CEP83: variants seen among roughly 807,000 people sequenced by gnomAD.
CEP83 encodes centrosomal protein 83, also known as centrosomal protein of 83 kDa.
CEP83 carries 70 observed loss-of-function variants against 101.9 expected under a neutral mutation model. That is an observed-to-expected ratio of 0.69 (90% CI 0.57 to 0.84). The LOEUF is 0.84. Among genes scored for constraint, CEP83 ranks in the 40% least tolerant of loss-of-function variants. The pLI, the probability that CEP83 is intolerant of heterozygous loss-of-function variation, is 0.00. For synonymous variants in CEP83, 264 were observed against 267.9 expected, an observed-to-expected ratio of 0.99 and a Z score of 0.14; for missense variants, 715 against 787.2, an observed-to-expected ratio of 0.91 and a Z score of 1.10.
chr12:94,289,875 T>C, the CEP83 span, among the ~76,000 whole-genome samples: 4 of 152,176 alleles, frequency 2.6e-5, no homozygotes, highest in African/African-American at 9.7e-5. Flanking sequence ...ACTCATCCAC[T>C]AATAAAATGT....
At chr12:94,315,349 T>C (rs1970506850) in intron 14 of CEP83, among the ~76,000 whole-genome samples, 1 of 152,134 alleles carries the variant, frequency 6.6e-6, no homozygotes, top group Non-Finnish European at 1.5e-5. Flanking sequence ...TTGAGCATCT[T>C]TTTTTATGCA....
intron 2 of CEP83, chr12:94,424,481 G>C: frequency 6.2e-7 from 1 of 1,614,018 alleles, no homozygotes; most frequent in Non-Finnish European, 8.5e-7. Context: ...GATACGGGTG[G>C]AGATAACCTG....
At chr12:94,296,477 A>C in the CEP83 span, among the ~76,000 whole-genome samples, 4 of 152,134 alleles carry the variant, frequency 2.6e-5, no homozygotes, top group Admixed American at 6.5e-5. Flanking sequence ...TAAAACAAAC[A>C]AACCAAATGC....
chr12:94,359,889 C>A (rs182662564), intron 11 of CEP83, among the ~76,000 whole-genome samples: 1 of 152,150 alleles, frequency 6.6e-6, no homozygotes, highest in East Asian at 1.9e-4. Flanking sequence ...AACAAAAACA[C>A]CAGCAAACCA....
intron 11 of CEP83, among the ~76,000 whole-genome samples, chr12:94,347,882 G>T (rs1420622861): frequency 1.3e-5 from 2 of 152,042 alleles, no homozygotes; most frequent in African/African-American, 2.4e-5. Flanking sequence ...TTGTACAACT[G>T]TATACAAAAT....
At chr12:94,303,716 CTT>C (rs1362536555), downstream of CEP83, 1 of 618,548 alleles carries the variant, frequency 1.6e-6, no homozygotes, top group Non-Finnish European at 2.2e-6. Context: ...TTTTTTTACT[CTT>C]TTGGTGATGG....
chr12:94,435,770 G>A (rs1298120769), intron 1 of CEP83, among the ~76,000 whole-genome samples: 6 of 152,152 alleles, frequency 3.9e-5, no homozygotes, highest in Non-Finnish European at 8.8e-5. Context: ...CAACTCCCTG[G>A]CTAATCAGAG....
chr12:94,390,068 T>C (rs2062422423), intron 6 of CEP83, among the ~76,000 whole-genome samples: 1 of 152,154 alleles, frequency 6.6e-6, no homozygotes, highest in Non-Finnish European at 1.5e-5. Context: ...GCAGACAACT[T>C]CCGCAAACTT....
chr12:94,301,431 G>A, the CEP83 span, among the ~76,000 whole-genome samples: 1 of 152,086 alleles, frequency 6.6e-6, no homozygotes, highest in Non-Finnish European at 1.5e-5. Flanking sequence ...ATGCCTATTT[G>A]AATATAACAC....
At chr12:94,358,279 G>A (rs1449931034) in intron 11 of CEP83, among the ~76,000 whole-genome samples, 1 of 151,992 alleles carries the variant, frequency 6.6e-6, no homozygotes, top group Non-Finnish European at 1.5e-5. Context: ...TCTAATTCCA[G>A]AACAATTATA....
rs189675715 is a variant in CEP83, at chr12:94,367,934, G to A, written c.1203C>T (p.Leu401=). ...TCTCCAAATCTGCTAATCTGTTCTC[G>A]AGTTCTAACCTAAAACAAGAGATCA... ...LVVLQDEKLE[L]ENRLADLEKM... The change falls in exon 11 of 17, where the codon CTC becomes CTT. Residue 401 remains leucine (L), a synonymous_variant. Coordinates refer to ENST00000397809, the MANE Select transcript of CEP83 (RefSeq NM_016122.3). 6.2e-4 allele frequency: 995 copies of A among 1,612,756 alleles called. 4 individuals are homozygous for A. In the African/African-American group the frequency reaches 7.7e-3, roughly 12 times the overall value.
intron 6 of CEP83, 107 bp from the exon 7 acceptor site, chr12:94,379,149 A>C: frequency 3.1e-6 from 3 of 977,876 alleles, no homozygotes; most frequent in Non-Finnish European, 4.4e-6. Flanking sequence ...ATCAAAGCTC[A>C]GGTGCTGAAA....
At chr12:94,353,674 G>T (rs1196015635) in intron 11 of CEP83, among the ~76,000 whole-genome samples, 2 of 151,632 alleles carry the variant, frequency 1.3e-5, no homozygotes. Flanking sequence ...AATATAAGCT[G>T]CCTAAACACA....
intron 1 of CEP83, among the ~76,000 whole-genome samples, chr12:94,442,184 C>T (rs534185525): frequency 1.3e-5 from 2 of 151,828 alleles, no homozygotes; most frequent in African/African-American, 2.4e-5. Context: ...ATGGCATTCA[C>T]AGCAACTGAG....
intron 4 of CEP83, among the ~76,000 whole-genome samples, chr12:94,405,747 C>G (rs2063497807): frequency 6.6e-6 from 1 of 152,064 alleles, no homozygotes; most frequent in Admixed American, 6.5e-5. Flanking sequence ...GGACCTGGCA[C>G]CGGAAAGGAT....
chr12:94,310,377 C>A (rs1178933755), intron 15 of CEP83, among the ~76,000 whole-genome samples: 1 of 151,452 alleles, frequency 6.6e-6, no homozygotes, highest in African/African-American at 2.4e-5. Flanking sequence ...TTGGTACTCA[C>A]TCCTACCCTC....
chr12:94,321,717 A>T (rs992787675), intron 14 of CEP83, among the ~76,000 whole-genome samples: 1 of 152,106 alleles, frequency 6.6e-6, no homozygotes, highest in Non-Finnish European at 1.5e-5. Flanking sequence ...ACCTGGAGAC[A>T]GTAAGAGTGA....
intron 2 of CEP83, among the ~76,000 whole-genome samples, chr12:94,413,235 C>T (rs1264731218): frequency 2.0e-5 from 3 of 152,184 alleles, no homozygotes; most frequent in African/African-American, 7.2e-5. Context: ...AAAGCTGAAT[C>T]ACACCTTGAA....
At chr12:94,348,663 G>A (rs141033657) in intron 11 of CEP83, among the ~76,000 whole-genome samples, 30 of 152,100 alleles carry the variant, frequency 2.0e-4, no homozygotes, top group Middle Eastern at 6.8e-3. Flanking sequence ...GTCTGCTGCC[G>A]GTCTGATCTA....
Sources: allele counts gnomAD v4.1 joint callset (sites outside exome capture counted in the v4.1 genomes callset), GRCh38; gene constraint gnomAD v4.1.1; transcripts MANE v1.5; gene names NCBI Gene and HGNC (gene_info 2026-07-23, HGNC 2026-07-21).